Variants in SOX5 observed in about 807,000 individuals in gnomAD.
SOX5 encodes transcription factor SOX-5.
SOX5 carries 9 observed loss-of-function variants against 92.0 expected under a neutral mutation model. The observed-to-expected ratio is 0.10, with a 90% CI of 0.06 to 0.17. The LOEUF (loss-of-function observed/expected upper bound fraction) is 0.17, where lower values mean the gene tolerates loss of function less well. SOX5 is among the 10% of genes least tolerant of loss of function. The pLI, the probability that SOX5 is intolerant of heterozygous loss-of-function variation, is 1.00. For missense variants in SOX5, 642 were observed against 944.5 expected (o/e 0.68, Z 4.20); for synonymous variants, 344 against 336.3 (o/e 1.02, Z -0.25).
At chr12:23,559,180 T>A (rs930038997) in intron 11 of SOX5, among the ~76,000 whole-genome samples, 1 of 152,196 alleles carries the variant, frequency 6.6e-6, no homozygotes, top group Admixed American at 6.5e-5. Context: ...CAAGAATCTG[T>A]ACTTGACTCT....
intron 1 of SOX5, among the ~76,000 whole-genome samples, chr12:23,902,776 T>G (rs1394850958): frequency 2.0e-5 from 3 of 152,218 alleles, no homozygotes; most frequent in African/African-American, 7.2e-5. Flanking sequence ...TGACTTTATG[T>G]GTATGATAAA....
chr12:24,336,314 T>C (rs746044648), intron 2 of SOX5, among the ~76,000 whole-genome samples: 9 of 152,106 alleles, frequency 5.9e-5, no homozygotes, highest in Admixed American at 2.0e-4. Flanking sequence ...AGGATGGTCT[T>C]GCTCTCCTGA....
chr12:24,025,616 T>A (rs1592448449), intron 4 of SOX5, among the ~76,000 whole-genome samples: 1 of 152,188 alleles, frequency 6.6e-6, no homozygotes, highest in East Asian at 1.9e-4. Context: ...TAGTGGTACC[T>A]AATGCTTATT....
intron 6 of SOX5, among the ~76,000 whole-genome samples, chr12:23,711,733 A>T (rs1422035436): frequency 6.6e-6 from 1 of 152,230 alleles, no homozygotes; most frequent in Non-Finnish European, 1.5e-5. Context: ...TAGAAAGCTT[A>T]AAAATATTAT....
intron 7 of SOX5, among the ~76,000 whole-genome samples, chr12:23,651,728 A>G (rs1162987159): frequency 3.9e-5 from 6 of 151,946 alleles, no homozygotes; most frequent in African/African-American, 1.4e-4. Flanking sequence ...TAAAATACGA[A>G]GTAGAAAAGA....
chr12:24,044,658 T>A (rs1956830653), intron 4 of SOX5, among the ~76,000 whole-genome samples: 2 of 152,184 alleles, frequency 1.3e-5, no homozygotes, highest in African/African-American at 4.8e-5. Context: ...AAATATAAAT[T>A]AGTGTTTGTC....
At chr12:24,504,016 C>A (rs952731705) in intron 1 of SOX5, among the ~76,000 whole-genome samples, 2 of 151,758 alleles carry the variant, frequency 1.3e-5, no homozygotes, top group Non-Finnish European at 2.9e-5. Flanking sequence ...AGTAGAAATT[C>A]GAACTCTCTT....
chr12:23,646,214 G>C (rs901140697), intron 7 of SOX5, among the ~76,000 whole-genome samples: 4 of 151,858 alleles, frequency 2.6e-5, no homozygotes, highest in African/African-American at 9.7e-5. Flanking sequence ...TGGCTATGTC[G>C]CCCAGGGTGG....
intron 6 of SOX5, among the ~76,000 whole-genome samples, chr12:23,723,801 ATTAG>A (rs1410901153): frequency 1.3e-5 from 2 of 151,974 alleles, no homozygotes; most frequent in East Asian, 1.9e-4. Context: ...AAACCTTCTC[ATTAG>A]TTATTTTAGT....
intron 1 of SOX5, among the ~76,000 whole-genome samples, chr12:24,542,769 A>C (rs916111328): frequency 6.6e-6 from 1 of 152,250 alleles, no homozygotes; most frequent in African/African-American, 2.4e-5. Flanking sequence ...TGTTTATAAG[A>C]ACCACTATAT....
chr12:23,710,279 T>C (rs2091909788), intron 6 of SOX5, among the ~76,000 whole-genome samples: 1 of 152,184 alleles, frequency 6.6e-6, no homozygotes, highest in Non-Finnish European at 1.5e-5. Flanking sequence ...CTAGGGTACA[T>C]GTGCACAACG....
At chr12:23,680,935 C>A (rs1022723855) in intron 6 of SOX5, among the ~76,000 whole-genome samples, 3 of 152,014 alleles carry the variant, frequency 2.0e-5, no homozygotes, top group Admixed American at 6.6e-5. Flanking sequence ...ATCACAAATT[C>A]TTTCACTAAA....
rs1699927622 is a variant in SOX5 at position 23,846,175 on chromosome 12, C to A, written c.289G>T (p.Val97Phe). The A allele has an allele frequency of 6.2e-7, 1 of 1,613,668 alleles. No individual in the cohort carries two copies. Among genetic ancestry groups the A allele is most frequent in the African/African-American group, 1.3e-5 (1 of 74,882 alleles). The change falls in exon 3 of 15, where the codon GTT becomes TTT. Residue 97 changes from valine to phenylalanine, a missense_variant. Physicochemically the swap from Val to Phe is conservative, Grantham distance 50 (BLOSUM62 -1). Around this residue, in one of 8 missense-constraint regions of SOX5, gnomAD observed 113 missense variants for 117.7 expected, o/e 0.96. Coordinates refer to ENST00000451604, the MANE Select transcript of SOX5 (RefSeq NM_006940.6). ...TTGTGTGGGGCAAATGAAGACATAACTTTATTGCCATCAACTTCCTGAAAG... is the reference window on the plus strand; with the variant it reads ...TTGTGTGGGGCAAATGAAGACATAAATTTATTGCCATCAACTTCCTGAAAG... ...HNTMEVDGNK[V>F]MSSFAPHNSS...
intron 8 of SOX5, among the ~76,000 whole-genome samples, chr12:23,612,143 T>C (rs2137779457): frequency 6.6e-6 from 1 of 152,138 alleles, no homozygotes; most frequent in Middle Eastern, 3.4e-3. Flanking sequence ...TGTAATCTCA[T>C]ATCAAACACC....
chr12:23,850,466 T>A (rs28497766), intron 2 of SOX5, among the ~76,000 whole-genome samples: 2 of 78,472 alleles, frequency 2.5e-5, no homozygotes, highest in East Asian at 6.7e-4. Context: ...AAAAAATAAA[T>A]AAAAAATAAA....
intron 1 of SOX5, among the ~76,000 whole-genome samples, chr12:23,945,239 T>C (rs1214286697): frequency 1.3e-5 from 2 of 152,312 alleles, no homozygotes; most frequent in East Asian, 3.9e-4. Context: ...GGTCTTATTA[T>C]ATGTCTCTCA....
intron 1 of SOX5, among the ~76,000 whole-genome samples, chr12:24,466,086 GA>G (rs1186840451): frequency 6.6e-6 from 1 of 151,800 alleles, no homozygotes; most frequent in Non-Finnish European, 1.5e-5. Context: ...GAGGGTAGAA[GA>G]AAAAAATAAG....
intron 3 of SOX5, among the ~76,000 whole-genome samples, chr12:23,822,609 G>A (rs545145028): frequency 1.1e-4 from 17 of 152,268 alleles, no homozygotes; most frequent in African/African-American, 3.6e-4. Flanking sequence ...ATTTGGGGTG[G>A]AGAGTTCTGT....
intron 1 of SOX5, among the ~76,000 whole-genome samples, chr12:24,467,630 G>A (rs1416684851): frequency 6.6e-6 from 1 of 152,132 alleles, no homozygotes; most frequent in African/African-American, 2.4e-5. Flanking sequence ...AGATCATAAT[G>A]GTCTCTTACA....
Sources: allele counts gnomAD v4.1 joint callset (sites outside exome capture counted in the v4.1 genomes callset), GRCh38; gene constraint gnomAD v4.1.1; regional missense constraint gnomAD v4.1.1; transcripts MANE v1.5; gene names NCBI Gene and HGNC (gene_info 2026-07-23, HGNC 2026-07-21).